Variants in MAL observed in about 807,000 individuals in gnomAD.
MAL encodes the protein mal, T cell differentiation protein (MAL blood group).
A neutral mutation model predicts 16.7 loss-of-function variants in MAL; 5 were observed. The ratio of observed to expected loss-of-function variants is 0.30; its 90% CI spans 0.16 to 0.63. MAL has a LOEUF of 0.63. Among genes scored for constraint, MAL ranks in the 30% least tolerant of loss-of-function variants. The probability of loss-of-function intolerance (pLI) is 0.82; values close to 1 mark genes in which losing one functional copy is unlikely to be tolerated. For missense variants in MAL, 202 were observed against 195.8 expected, an observed-to-expected ratio of 1.03 and a Z score of -0.19; for synonymous variants, 96 against 85.5, an observed-to-expected ratio of 1.12 and a Z score of -0.67.
intron 1 of MAL, among the ~76,000 whole-genome samples, chr2:95,031,023 G>A (rs1386507096): frequency 6.6e-6 from 1 of 152,196 alleles, no homozygotes; most frequent in Non-Finnish European, 1.5e-5. Context: ...GGTGGTCCAA[G>A]CTGTGGCTGC....
At chr2:95,028,425 G>C (rs1242171264) in intron 1 of MAL, among the ~76,000 whole-genome samples, 1 of 152,112 alleles carries the variant, frequency 6.6e-6, no homozygotes, top group African/African-American at 2.4e-5. Context: ...TCCAAAAAAC[G>C]GAAAACATCA....
intron 2 of MAL, 88 bp downstream of exon 2, chr2:95,048,214 A>C (rs1045146400): frequency 1.6e-5 from 22 of 1,337,308 alleles, no homozygotes; most frequent in Non-Finnish European, 2.3e-5. Flanking sequence ...TTCCAGTGCC[A>C]GGTGAGACTT....
At position 95,053,669 on chromosome 2, in the gene MAL, T is replaced by A; in HGVS notation, c.*214T>A. On this transcript the variant is annotated 3_prime_UTR_variant, in exon 4 of 4. Coordinates refer to ENST00000309988, the MANE Select transcript of MAL (RefSeq NM_002371.4). ...TCGCGTCCGGGTTGGGAGCTTGCTGTGTCTAACCTCCAACTGCTGTGCTGT... is the reference window on the plus strand; with the variant it reads ...TCGCGTCCGGGTTGGGAGCTTGCTGAGTCTAACCTCCAACTGCTGTGCTGT... The A allele has an allele frequency of 1.7e-6, 1 of 574,454 alleles. No homozygotes were observed. The highest frequency in any genetic ancestry group is 2.2e-5 in the South Asian group (1 of 45,128). The allele number at this position is 574,454 out of a possible 1,614,324, so 35.6% of individuals were successfully genotyped here. A position where few individuals can be genotyped will look rare whatever the true frequency, so the allele number is the denominator to read the frequency against.
chr2:95,043,872 C>A (rs1370992141), intron 1 of MAL, among the ~76,000 whole-genome samples: 3 of 152,210 alleles, frequency 2.0e-5, no homozygotes, highest in East Asian at 3.9e-4. Flanking sequence ...TGGGAGCAAA[C>A]CCCTGGCTTT....
At position 95,048,085 on chromosome 2, in the gene MAL, A is replaced by G. The variant is rs1189857522; in HGVS notation, c.220A>G (p.Ile74Val). 1.2e-6 allele frequency: 2 copies of G among 1,613,726 alleles called. No homozygotes were observed. Among genetic ancestry groups the G allele is most frequent in the South Asian group, 1.1e-5 (1 of 91,054 alleles). The change falls in exon 2 of 4, where the codon ATA (isoleucine) becomes GTA (valine). Residue 74 changes from isoleucine (I) to valine (V), a missense_variant. Coordinates refer to ENST00000309988, the MANE Select transcript of MAL (RefSeq NM_002371.4). The part of the protein sequence containing the change: ...VATTTLIILY[I>V]IGAHGGETSW... ...CACCACCACCTTGATCATCCTGTAC[A>G]TAATTGGAGCCCACGGTGGAGAGAC...
intron 3 of MAL, 182 bp from the exon 4 acceptor site, chr2:95,053,199 G>T: frequency 3.2e-6 from 2 of 629,214 alleles, no homozygotes; most frequent in Non-Finnish European, 5.7e-6. Context: ...GCTCTGTACT[G>T]AGAGGATTTG....
intron 1 of MAL, among the ~76,000 whole-genome samples, chr2:95,046,464 G>A (rs1674587038): frequency 1.3e-5 from 2 of 152,188 alleles, no homozygotes; most frequent in African/African-American, 2.4e-5. Context: ...GAAAGTCCCC[G>A]CTGGGGTTTG....
rs370317076 is a variant in MAL at position 95,049,723 on chromosome 2, G to C, written c.387+17G>C. The C allele has an allele frequency of 6.2e-6, 10 of 1,613,846 alleles. No homozygotes were observed. The highest frequency in any genetic ancestry group is 8.5e-6 in the Non-Finnish European group (10 of 1,179,946). ...GCTGCCGTGGTGAGTCCGGGCACCT[G>C]GGGCTGTGTCCACAGCGGGCGGCTC... On this transcript the variant is annotated intron_variant, in intron 3 of 3. Transcript: ENST00000309988.
chr2:95,027,516 G>A (rs1673971319), intron 1 of MAL, among the ~76,000 whole-genome samples: 2 of 152,114 alleles, frequency 1.3e-5, no homozygotes, highest in South Asian at 4.1e-4. Flanking sequence ...TCATCTCCAG[G>A]CATCTTCCAC....
At chr2:95,051,773 G>A (rs752031525) in intron 3 of MAL, 3 of 152,178 alleles carry the variant, frequency 2.0e-5, no homozygotes, top group Non-Finnish European at 4.4e-5. Context: ...TGGCAGATGT[G>A]CCCAGATAAA....
At chr2:95,035,006 T>C (rs62148039) in intron 1 of MAL, among the ~76,000 whole-genome samples, 2,084 of 152,300 alleles carry the variant, frequency 0.014, 18 homozygotes, top group Middle Eastern at 0.024. Context: ...GGCTCGGGTC[T>C]CCTCTCTCAC....
chr2:95,042,300 C>T (rs1019456686), intron 1 of MAL, among the ~76,000 whole-genome samples: 3 of 152,224 alleles, frequency 2.0e-5, no homozygotes, highest in Non-Finnish European at 4.4e-5. Flanking sequence ...TCGCCCATGG[C>T]CTTATGTTAC....
intron 1 of MAL, among the ~76,000 whole-genome samples, chr2:95,046,976 G>T (rs1674604458): frequency 6.8e-6 from 1 of 146,226 alleles, no homozygotes; most frequent in Non-Finnish European, 1.5e-5. Context: ...AAAGAAGAAA[G>T]AAAGAAAGAA....
At chr2:95,037,526 A>AGTGAGTGAGTGAGTGAGTGAGTGAGTG (rs1674262914) in intron 1 of MAL, among the ~76,000 whole-genome samples, 1 of 35,812 alleles carries the variant, frequency 2.8e-5, no homozygotes, top group Admixed American at 2.3e-4. Flanking sequence ...GTGAGTGAGC[A>AGTGAGTGAGTGAGTGAGTGAGTGAGTG]AGCGAGTGAG....
rs1263306596 is a variant in MAL at position 95,053,980 on chromosome 2, T to C, written c.*525T>C. 1 of 153,264 alleles carries C rather than the reference T, an allele frequency of 6.5e-6. No homozygotes were observed. Among genetic ancestry groups the C allele is most frequent in the Non-Finnish European group, 1.5e-5 (1 of 68,754 alleles). The allele number at this position is 153,264 out of a possible 1,614,324, so 9.5% of individuals were successfully genotyped here. ...ACCCTGTGAAATACTTTATAAAATG[T>C]CTTAATGTTCAATACATTTGTTGGG... On this transcript the variant is annotated 3_prime_UTR_variant, in exon 4 of 4. Coordinates refer to ENST00000309988, the MANE Select transcript of MAL (RefSeq NM_002371.4).
intron 1 of MAL, among the ~76,000 whole-genome samples, chr2:95,036,849 G>A (rs1674223062): frequency 1.3e-5 from 2 of 152,034 alleles, no homozygotes; most frequent in Admixed American, 1.3e-4. Flanking sequence ...GAATGGGTGA[G>A]TGAGTGAGTG....
intron 1 of MAL, among the ~76,000 whole-genome samples, chr2:95,028,767 GA>G (rs1485125855): frequency 6.6e-6 from 1 of 152,208 alleles, no homozygotes; most frequent in Admixed American, 6.5e-5. Flanking sequence ...GATAAACCTT[GA>G]AAACTCTATG....
chr2:95,044,865 T>G (rs1317042750), intron 1 of MAL, among the ~76,000 whole-genome samples: 2 of 152,204 alleles, frequency 1.3e-5, no homozygotes, highest in Non-Finnish European at 2.9e-5. Flanking sequence ...ACACACTGAC[T>G]TCCCCTCACT....
intron 1 of MAL, among the ~76,000 whole-genome samples, chr2:95,046,554 C>T (rs183951911): frequency 1.1e-4 from 16 of 152,300 alleles, no homozygotes; most frequent in African/African-American, 4.8e-5. Flanking sequence ...TGTCCATCCA[C>T]GGCGAGGAGC....
Sources: gnomAD v4.1 joint callset for allele counts (sites outside exome capture counted in the v4.1 genomes callset) on GRCh38, gnomAD v4.1.1 for gene constraint, MANE v1.5 for transcripts, NCBI Gene and HGNC (gene_info 2026-07-23, HGNC 2026-07-21) for gene names.